SAP130: variants seen among roughly 807,000 people sequenced by gnomAD.
SAP130 encodes the protein histone deacetylase complex subunit SAP130.
In SAP130, 16 loss-of-function variants were observed where a neutral mutation model predicts 103.2. That is an observed-to-expected ratio of 0.16 (90% CI 0.10 to 0.24). The LOEUF is 0.24. Ranked by LOEUF, SAP130 falls within the 10% of genes least tolerant of loss-of-function variation. The pLI, the probability that SAP130 is intolerant of heterozygous loss-of-function variation, is 1.00. For synonymous variants in SAP130, 477 were observed against 497.0 expected (o/e 0.96, Z 0.53); for missense variants, 990 against 1,359.7 (o/e 0.73, Z 4.28).
chr2:127,969,932 T>G (rs1437423714), intron 15 of SAP130, among the ~76,000 whole-genome samples: 2 of 151,998 alleles, frequency 1.3e-5, no homozygotes, highest in African/African-American at 4.8e-5. Context: ...TTGTCTCTAC[T>G]AAAAAAATTT....
Position 128,026,213 on chromosome 2 carries a change from C to A in SAP130, c.80G>T (p.Gly27Val). Residue 27 changes from glycine (G) to valine (V), a missense_variant, in exon 2 of 21, where the codon GGT becomes GTT. Physicochemically the swap from Gly to Val is moderately radical, Grantham distance 109. Around this residue, in one of 6 missense-constraint regions of SAP130, gnomAD observed 167 missense variants for 187.4 expected, o/e 0.89. Transcript: ENST00000643581. ...SQAPSQIANS[G>V]SAGLINPAAT... ...AGCTGGGTTTATCAATCCAGCAGAACCACTGTTTGCAATCTGAGAAGGGGC... is the reference window on the plus strand; with the variant it reads ...AGCTGGGTTTATCAATCCAGCAGAAACACTGTTTGCAATCTGAGAAGGGGC... 6.2e-7 allele frequency: 1 copy of A among 1,613,974 alleles called. No individual in the cohort carries two copies.
rs1422058246 is a variant in SAP130 at position 127,989,214 on chromosome 2, T to C, written c.1780+350A>G. Among the ~76,000 whole-genome samples, 27 of 151,878 alleles carry C rather than the reference T, an allele frequency of 1.8e-4. No homozygotes were observed. The highest frequency in any genetic ancestry group is 1.7e-3 in the Admixed American group (26 of 15,238). On this transcript the variant is annotated intron_variant, in intron 13 of 20. Transcript: ENST00000643581. This position sits in a 1 kb window ranked among gnomAD's most constrained non-coding sequence, Gnocchi z 4.6. Reference sequence around the variant, plus strand: ...CCCCAGTTCACGCCATTCTCTCGCCTCAGCCTCCCGAGTAGCTAGGACTAC... The same window carrying C: ...CCCCAGTTCACGCCATTCTCTCGCCCCAGCCTCCCGAGTAGCTAGGACTAC...
intron 3 of SAP130, 123 bp downstream of exon 3, chr2:128,017,555 CAT>C (rs1684861935): frequency 4.9e-6 from 4 of 812,642 alleles, no homozygotes; most frequent in Admixed American, 2.5e-5. Flanking sequence ...GAGCTGAACT[CAT>C]ATGTCATAAA....
intron 3 of SAP130, 47 bp downstream of exon 3, chr2:128,017,633 C>T: frequency 6.8e-7 from 1 of 1,461,792 alleles, no homozygotes. Flanking sequence ...AAACATTAGC[C>T]AGTCTCGAGC....
At chr2:128,022,311 C>G (rs1425912194) in intron 2 of SAP130, among the ~76,000 whole-genome samples, 4 of 152,198 alleles carry the variant, frequency 2.6e-5, no homozygotes, top group Non-Finnish European at 5.9e-5. Context: ...TGCCAAGTAG[C>G]ATTCCACTGC....
rs116197994 is a variant in SAP130 at position 127,977,095 on chromosome 2, A to G, written c.2063+890T>C. On this transcript the variant is annotated intron_variant, in intron 15 of 20. Transcript: ENST00000643581. ...GTGGGATTGGCAATGTGGGTAGAGA[A>G]TGAGACAATAATTTTCACTTTATAC... Among the ~76,000 whole-genome samples the G allele has an allele frequency of 3.0e-3, 457 of 152,300 alleles. 3 individuals carry two copies. Among genetic ancestry groups the G allele is most frequent in the African/African-American group, 0.01 (436 of 41,570 alleles).
At chr2:127,969,513 T>G (rs1428089235) in intron 15 of SAP130, among the ~76,000 whole-genome samples, 1 of 152,104 alleles carries the variant, frequency 6.6e-6, no homozygotes, top group East Asian at 1.9e-4. Flanking sequence ...AACAGGTGAG[T>G]TAAGACCTGT....
intron 1 of SAP130, among the ~76,000 whole-genome samples, 165 bp downstream of exon 1, chr2:128,027,775 A>G (rs1163626952): frequency 3.3e-5 from 5 of 151,544 alleles, no homozygotes; most frequent in Non-Finnish European, 7.4e-5. Context: ...CGCCGGCCCA[A>G]CCGCCGTGAC....
intron 14 of SAP130, among the ~76,000 whole-genome samples, chr2:127,980,227 A>C (rs1023509479): frequency 2.6e-5 from 4 of 152,152 alleles, no homozygotes; most frequent in Admixed American, 2.0e-4. Flanking sequence ...ATAAGGATAA[A>C]AGTTAAAAAA....
intron 14 of SAP130, among the ~76,000 whole-genome samples, chr2:127,985,443 C>T (rs1682309100): frequency 6.6e-6 from 1 of 152,194 alleles, no homozygotes; most frequent in Non-Finnish European, 1.5e-5. Flanking sequence ...AGCTGAGCCA[C>T]AGAAACTCTG....
At chr2:127,962,178 C>T (rs1426894757) in intron 15 of SAP130, among the ~76,000 whole-genome samples, 1 of 152,174 alleles carries the variant, frequency 6.6e-6, no homozygotes, top group African/African-American at 2.4e-5. Flanking sequence ...GCTCTTCCAA[C>T]AGCATATTTC....
At chr2:128,010,528 C>T in intron 6 of SAP130, 135 bp from the exon 7 acceptor site, 1 of 916,130 alleles carries the variant, frequency 1.1e-6, no homozygotes, top group Non-Finnish European at 1.6e-6. Flanking sequence ...CTCACCATTC[C>T]AATTAAGGAA....
intron 15 of SAP130, among the ~76,000 whole-genome samples, chr2:127,976,142 G>A (rs915103056): frequency 1.3e-5 from 2 of 152,122 alleles, no homozygotes; most frequent in East Asian, 3.9e-4. Flanking sequence ...CACTGCGCCC[G>A]GCTGGTCATT....
In SAP130 at chr2:127,996,402, C is replaced by T. The variant is rs1357771014; in HGVS notation, c.1303G>A (p.Gly435Arg). ...ACAGGATTGGGAGAGGCCCGATGTC[C>T]GGAGATGGGAATCAGGCTACTCCTC... ...AERSSLIPIS[G>R]HRASPNPVAM... Residue 435 changes from glycine to arginine, a missense_variant, in exon 11 of 21, where the codon GGA (glycine) becomes AGA (arginine). This residue lies in a region of SAP130 where 336 missense variants were observed against 520.1 expected (regional missense o/e 0.65). Coordinates refer to ENST00000643581, the MANE Select transcript of SAP130 (RefSeq NM_001330301.2). The surrounding 1 kb of genome is among the most constrained non-coding windows in gnomAD (Gnocchi z 4.3). 4 of 1,610,886 alleles carry T rather than the reference C, an allele frequency of 2.5e-6. No homozygotes were observed. The highest frequency in any genetic ancestry group is 2.2e-5 in the East Asian group (1 of 44,610).
Position 127,999,945 on chromosome 2 carries a change from AT to A in SAP130, c.1109-101del, listed in dbSNP as rs1392032337. On this transcript the variant is annotated intron_variant, in intron 9 of 20. Transcript: ENST00000643581. ...AAATCTCCTGGAAAAAGTTAAGAGA[AT>A]TTTTCTAGCCCGTTGTTTTTCTCTG... The A allele has an allele frequency of 4.2e-6, 6 of 1,440,816 alleles. No homozygotes were observed. The East Asian group carries it at 6.9e-5, about 17-fold the overall frequency. 89.3% of individuals were successfully genotyped at this position (1,440,816 alleles called of 1,614,324 possible). A position where few individuals can be genotyped will look rare whatever the true frequency, so the allele number is the denominator to read the frequency against.
rs367809260 is a variant in SAP130 at position 127,954,973 on chromosome 2, T to C, written c.2422+13A>G. 1.2e-5 allele frequency: 19 copies of C among 1,569,640 alleles called. No individual in the cohort carries two copies. In the African/African-American group the frequency reaches 2.3e-4, roughly 19 times the overall value. On this transcript the variant is annotated intron_variant, in intron 16 of 20. Coordinates refer to ENST00000643581, the MANE Select transcript of SAP130 (RefSeq NM_001330301.2). ...GCAATTGCCAATGGAGAGTATTCTA[T>C]GGACGGACTTACCAGAAACTGGCCT...
At chr2:127,976,815 C>G (rs971195936) in intron 15 of SAP130, among the ~76,000 whole-genome samples, 1 of 152,152 alleles carries the variant, frequency 6.6e-6, no homozygotes, top group African/African-American at 2.4e-5. Context: ...GAGGCTGAGG[C>G]AGGAGAATTA....
intron 18 of SAP130, among the ~76,000 whole-genome samples, chr2:127,949,605 A>G (rs1679352973): frequency 6.6e-6 from 1 of 152,224 alleles, no homozygotes; most frequent in Non-Finnish European, 1.5e-5. Context: ...AGCTGTTAAC[A>G]TGTGGGTTTT....
rs1679598261 is a variant in SAP130, at chr2:127,953,025, G to A, written c.2422+1961C>T. On this transcript the variant is annotated intron_variant, in intron 16 of 20. Transcript: ENST00000643581. The surrounding 1 kb of genome is among the most constrained non-coding windows in gnomAD (Gnocchi z 4.0). ...TGCAACTTCATTTTCTATTCCAAAA[G>A]CCAGCCTCATAGATCCAACTATTTA... Among the ~76,000 whole-genome samples the A allele has an allele frequency of 6.6e-6, 1 of 152,110 alleles. No individual in the cohort carries two copies. The highest frequency in any genetic ancestry group is 2.4e-5 in the African/African-American group (1 of 41,410).
Sources: allele counts gnomAD v4.1 joint callset (sites outside exome capture counted in the v4.1 genomes callset), GRCh38; gene constraint gnomAD v4.1.1; regional missense constraint gnomAD v4.1.1; non-coding constraint Gnocchi (gnomAD v3.1); transcripts MANE v1.5; gene names NCBI Gene and HGNC (gene_info 2026-07-23, HGNC 2026-07-21).